Variants in INPP4B observed in about 807,000 individuals in gnomAD.
The protein encoded by INPP4B is inositol polyphosphate-4-phosphatase type II B.
INPP4B carries 55 observed loss-of-function variants against 122.5 expected under a neutral mutation model. The observed-to-expected ratio is 0.45, with a 90% confidence interval of 0.36 to 0.56. The LOEUF (loss-of-function observed/expected upper bound fraction) is 0.56. INPP4B is among the 20% of genes least tolerant of loss of function. The pLI is 0.00. For synonymous variants in INPP4B, 403 were observed against 388.7 expected, an observed-to-expected ratio of 1.04 and a Z score of -0.43; for missense variants, 1,000 against 1,097.7, an observed-to-expected ratio of 0.91 and a Z score of 1.26.
chr4:142,367,753 G>A (rs1579863314), intron 7 of INPP4B, among the ~76,000 whole-genome samples: 2 of 152,074 alleles, frequency 1.3e-5, no homozygotes, highest in Non-Finnish European at 2.9e-5. Flanking sequence ...CAGGTTCATA[G>A]TTCTGACACT....
intron 23 of INPP4B, among the ~76,000 whole-genome samples, chr4:142,101,198 A>G (rs1044589309): frequency 6.6e-5 from 10 of 152,174 alleles, no homozygotes; most frequent in Non-Finnish European, 1.5e-5. Context: ...GCAATGAACC[A>G]CATTGGGATG....
At chr4:142,131,111 A>G (rs760586504) in intron 18 of INPP4B, among the ~76,000 whole-genome samples, 1 of 152,216 alleles carries the variant, frequency 6.6e-6, no homozygotes, top group Non-Finnish European at 1.5e-5. Context: ...TCACACACCC[A>G]CATTCACTGG....
intron 11 of INPP4B, among the ~76,000 whole-genome samples, chr4:142,245,564 C>T (rs985661065): frequency 1.8e-4 from 28 of 152,006 alleles, no homozygotes; most frequent in African/African-American, 5.1e-4. Flanking sequence ...TGTTGTGTCT[C>T]GGCCAGGTTT....
At chr4:142,687,849 C>G (rs1759596066) in intron 2 of INPP4B, among the ~76,000 whole-genome samples, 1 of 152,114 alleles carries the variant, frequency 6.6e-6, no homozygotes, top group Non-Finnish European at 1.5e-5. Context: ...CCTAAGCTGC[C>G]AGGATGACAC....
intron 2 of INPP4B, among the ~76,000 whole-genome samples, chr4:142,567,278 T>C (rs1221148347): frequency 2.6e-5 from 4 of 151,964 alleles, no homozygotes; most frequent in Admixed American, 6.6e-5. Flanking sequence ...ACAACTGAGG[T>C]CAGGTCAGAG....
intron 3 of INPP4B, among the ~76,000 whole-genome samples, chr4:142,454,161 T>C (rs906680332): frequency 6.6e-6 from 1 of 152,116 alleles, no homozygotes; most frequent in Non-Finnish European, 1.5e-5. Flanking sequence ...AAAAGATCAC[T>C]AGCTTTTAGG....
At position 142,595,117 on chromosome 4, in the gene INPP4B, C is replaced by T. The variant is rs536713242; in HGVS notation, c.-191+130722G>A. ...TTTTTTTGTATTTTACATAAAATGC[C>T]TATTTACGTAAGTTTTCTGTAATAG... On this transcript the variant is annotated intron_variant, in intron 2 of 25. Transcript: ENST00000262992. Among the ~76,000 whole-genome samples the T allele has an allele frequency of 1.1e-3, 164 of 151,820 alleles. 5 individuals carry two copies. In the South Asian group the frequency reaches 0.033, roughly 31 times the overall value.
chr4:142,586,498 T>C (rs1274567970), intron 2 of INPP4B, among the ~76,000 whole-genome samples: 2 of 152,176 alleles, frequency 1.3e-5, no homozygotes, highest in African/African-American at 4.8e-5. Flanking sequence ...TGGTAGATTC[T>C]TGCCTTCTCC....
At chr4:142,334,994 G>A (rs900934390) in intron 7 of INPP4B, among the ~76,000 whole-genome samples, 1 of 150,356 alleles carries the variant, frequency 6.7e-6, no homozygotes, top group African/African-American at 2.5e-5. Flanking sequence ...TACATCTGGG[G>A]CAAACACTCC....
At chr4:142,161,486 C>A (rs1480666782) in intron 16 of INPP4B, among the ~76,000 whole-genome samples, 1 of 151,898 alleles carries the variant, frequency 6.6e-6, no homozygotes, top group African/African-American at 2.4e-5. Context: ...GGAAGGGACC[C>A]TTTAACTCAT....
At chr4:142,136,374 G>T (rs1804266535) in intron 18 of INPP4B, among the ~76,000 whole-genome samples, 1 of 152,220 alleles carries the variant, frequency 6.6e-6, no homozygotes, top group Non-Finnish European at 1.5e-5. Flanking sequence ...CAAATGCAAA[G>T]ATAAAGTTAT....
intron 18 of INPP4B, among the ~76,000 whole-genome samples, chr4:142,138,679 T>G (rs1806047131): frequency 1.3e-5 from 2 of 152,098 alleles, no homozygotes; most frequent in South Asian, 4.2e-4. Flanking sequence ...CTTAACCCCT[T>G]CATCTATGAA....
chr4:142,120,161 A>C (rs2152742756), intron 21 of INPP4B, among the ~76,000 whole-genome samples: 1 of 152,018 alleles, frequency 6.6e-6, no homozygotes, highest in Non-Finnish European at 1.5e-5. Flanking sequence ...TTTAAAGATA[A>C]TAGTTTATTT....
chr4:142,638,343 T>C (rs1362345411), intron 2 of INPP4B, among the ~76,000 whole-genome samples: 1 of 152,198 alleles, frequency 6.6e-6, no homozygotes, highest in Non-Finnish European at 1.5e-5. Context: ...TTTAAGTCTA[T>C]GGTTCATTTT....
intron 2 of INPP4B, among the ~76,000 whole-genome samples, chr4:142,463,951 T>C (rs893490804): frequency 6.6e-6 from 1 of 152,158 alleles, no homozygotes; most frequent in African/African-American, 2.4e-5. Context: ...CAGACTGATA[T>C]ATTAGTAAAA....
intron 7 of INPP4B, among the ~76,000 whole-genome samples, chr4:142,376,075 G>A (rs956907268): frequency 2.0e-5 from 3 of 151,998 alleles, no homozygotes; most frequent in African/African-American, 4.8e-5. Context: ...AAAGAGGCCT[G>A]TGCATATGTC....
chr4:142,376,129 A>C (rs1434095094), intron 7 of INPP4B, among the ~76,000 whole-genome samples: 1 of 152,054 alleles, frequency 6.6e-6, no homozygotes, highest in African/African-American at 2.4e-5. Flanking sequence ...TTTATATGGA[A>C]TAAGTATTGA....
At chr4:142,149,044 G>A (rs986624043) in intron 17 of INPP4B, among the ~76,000 whole-genome samples, 4 of 152,236 alleles carry the variant, frequency 2.6e-5, no homozygotes, top group Non-Finnish European at 4.4e-5. Context: ...CTGGTGGTGA[G>A]AGAATTCAGC....
chr4:142,496,143 GTTTTGCCTGT>G (rs1822535116), intron 2 of INPP4B, among the ~76,000 whole-genome samples: 1 of 151,988 alleles, frequency 6.6e-6, no homozygotes, highest in Admixed American at 6.6e-5. Context: ...CAGAAGTTTA[GTTTTGCCTGT>G]TTTTAATTTT....
Sources: gnomAD v4.1 joint callset for allele counts (sites outside exome capture counted in the v4.1 genomes callset) on GRCh38, gnomAD v4.1.1 for gene constraint, MANE v1.5 for transcripts, NCBI Gene and HGNC (gene_info 2026-07-23, HGNC 2026-07-21) for gene names.